Variants in PDE1C observed in about 807,000 individuals in gnomAD.
PDE1C encodes phosphodiesterase 1C.
In PDE1C, 62 loss-of-function variants were observed where a neutral mutation model predicts 93.1. The observed-to-expected ratio is 0.67, with a 90% CI of 0.54 to 0.82. PDE1C has a LOEUF of 0.82. PDE1C is among the 40% of genes least tolerant of loss of function. The pLI is 0.00. For missense variants in PDE1C, 742 were observed against 884.6 expected, an observed-to-expected ratio of 0.84 and a Z score of 2.04; for synonymous variants, 325 against 310.1, an observed-to-expected ratio of 1.05 and a Z score of -0.50.
At chr7:31,887,552 A>T (rs1021236698) in intron 2 of PDE1C, among the ~76,000 whole-genome samples, 2 of 152,220 alleles carry the variant, frequency 1.3e-5, no homozygotes, top group Non-Finnish European at 1.5e-5. Context: ...ACTAAAAAAA[A>T]ATTAGTAATG....
chr7:32,341,654 G>A (rs1034855599), intron 1 of PDE1C, among the ~76,000 whole-genome samples: 2 of 152,146 alleles, frequency 1.3e-5, no homozygotes, highest in Non-Finnish European at 2.9e-5. Flanking sequence ...GGCATGCTGA[G>A]TCTGAGTTTC....
At chr7:32,276,607 G>A (rs1168328526) in intron 1 of PDE1C, among the ~76,000 whole-genome samples, 1 of 152,162 alleles carries the variant, frequency 6.6e-6, no homozygotes, top group Non-Finnish European at 1.5e-5. Context: ...AAACCACAGA[G>A]CTTGGATTCC....
chr7:31,929,230 A>T (rs1404841142), intron 2 of PDE1C, among the ~76,000 whole-genome samples: 2 of 152,214 alleles, frequency 1.3e-5, no homozygotes, highest in African/African-American at 4.8e-5. Flanking sequence ...TGCAACAAGA[A>T]GAGCTAACTA....
At chr7:32,170,260 GAAATAT>G (rs1473028975) in intron 2 of PDE1C, among the ~76,000 whole-genome samples, 1 of 151,982 alleles carries the variant, frequency 6.6e-6, no homozygotes, top group Non-Finnish European at 1.5e-5. Context: ...TCAGCAGTTG[GAAATAT>G]ATAAAGCACT....
At chr7:31,737,307 GA>G in the PDE1C span, among the ~76,000 whole-genome samples, 9 of 151,912 alleles carry the variant, frequency 5.9e-5, 1 homozygote, top group South Asian at 1.3e-3. Context: ...CATAGCTATA[GA>G]AAAAAATATA....
intron 1 of PDE1C, among the ~76,000 whole-genome samples, chr7:32,360,488 G>A (rs577478975): frequency 3.1e-4 from 47 of 152,116 alleles, no homozygotes; most frequent in African/African-American, 1.0e-3. Context: ...GGAAGCGGTG[G>A]AGAGTGTGCA....
intron 2 of PDE1C, among the ~76,000 whole-genome samples, chr7:32,007,342 C>T (rs79214343): frequency 0.087 from 13,181 of 152,222 alleles, 711 homozygotes; most frequent in Middle Eastern, 0.13. Flanking sequence ...CCACACTGGC[C>T]TCCTAGCTCT....
intron 2 of PDE1C, among the ~76,000 whole-genome samples, chr7:31,890,621 G>A (rs1288565324): frequency 2.6e-5 from 4 of 152,062 alleles, no homozygotes; most frequent in African/African-American, 9.7e-5. Context: ...AAAATCACAG[G>A]AATTCTACCA....
At chr7:31,810,140 T>A (rs1314349550) in intron 15 of PDE1C, among the ~76,000 whole-genome samples, 1 of 152,072 alleles carries the variant, frequency 6.6e-6, no homozygotes, top group East Asian at 1.9e-4. Flanking sequence ...AATTTAATAA[T>A]CCCTGGGCAT....
chr7:31,734,051 TAAAG>T, the PDE1C span, among the ~76,000 whole-genome samples: 1 of 151,972 alleles, frequency 6.6e-6, no homozygotes, highest in South Asian at 2.1e-4. Flanking sequence ...TTTTGGATCT[TAAAG>T]AAGTAATAAA....
chr7:31,956,153 G>A lies in PDE1C; in HGVS notation c.129-75293C>T, dbSNP rs140769245. 5.5e-3 allele frequency among the ~76,000 whole-genome samples: 837 copies of A among 152,206 alleles called. 5 individuals are homozygous for A. The highest frequency in any genetic ancestry group is 0.019 in the African/African-American group (779 of 41,490). On this transcript the variant is annotated intron_variant, in intron 2 of 17. Transcript: ENST00000396191. ...GAGTCGCCCAGGCTGGAGTGCAGTG[G>A]TGCGATCTCGGCTCACTGCAACTTC...
At chr7:31,622,834 T>A in the PDE1C span, among the ~76,000 whole-genome samples, 1 of 151,818 alleles carries the variant, frequency 6.6e-6, no homozygotes, top group Non-Finnish European at 1.5e-5. Context: ...TTTTTTGAAA[T>A]GATCAACAAA....
At chr7:32,281,611 C>T (rs533524048) in intron 1 of PDE1C, among the ~76,000 whole-genome samples, 1 of 152,078 alleles carries the variant, frequency 6.6e-6, no homozygotes, top group African/African-American at 2.4e-5. Flanking sequence ...AAGGAAATAC[C>T]CCAACAGAAA....
chr7:32,325,469 C>A (rs1039866707), intron 1 of PDE1C, among the ~76,000 whole-genome samples: 8 of 152,202 alleles, frequency 5.3e-5, no homozygotes, highest in Non-Finnish European at 1.2e-4. Context: ...TTGAAACCAC[C>A]ATCCCCTTCC....
At chr7:31,897,781 C>T (rs111465958) in intron 2 of PDE1C, among the ~76,000 whole-genome samples, 53 of 152,266 alleles carry the variant, frequency 3.5e-4, no homozygotes, top group Non-Finnish European at 6.2e-4. Context: ...GAATCTCCAA[C>T]GCTCATTAAT....
At chr7:31,811,728 T>G (rs1787576540) in intron 15 of PDE1C, among the ~76,000 whole-genome samples, 1 of 152,100 alleles carries the variant, frequency 6.6e-6, no homozygotes, top group South Asian at 2.1e-4. Context: ...GTCGTGGAGA[T>G]GGTTCCCTTT....
downstream of PDE1C, among the ~76,000 whole-genome samples, chr7:31,746,803 G>A (rs779771852): frequency 9.9e-5 from 15 of 152,098 alleles, no homozygotes; most frequent in Non-Finnish European, 1.9e-4. Flanking sequence ...CTATGCTGTC[G>A]ACATGTCCTA....
intron 2 of PDE1C, among the ~76,000 whole-genome samples, chr7:32,205,504 C>T (rs550080920): frequency 5.3e-5 from 8 of 152,226 alleles, no homozygotes; most frequent in African/African-American, 1.9e-4. Context: ...GTAAAATGGA[C>T]CAATCAGCAC....
At chr7:32,339,474 C>T (rs1463534341) in intron 1 of PDE1C, among the ~76,000 whole-genome samples, 1 of 152,138 alleles carries the variant, frequency 6.6e-6, no homozygotes, top group Admixed American at 6.5e-5. Context: ...GAACTGCACA[C>T]TTTAAAAAGG....
Sources: gnomAD v4.1 joint callset for allele counts (sites outside exome capture counted in the v4.1 genomes callset) on GRCh38, gnomAD v4.1.1 for gene constraint, MANE v1.5 for transcripts, NCBI Gene and HGNC (gene_info 2026-07-23, HGNC 2026-07-21) for gene names.